The following CACNA1C variants were observed in gnomAD, a reference collection of about 807,000 sequenced individuals.
The protein encoded by CACNA1C is calcium voltage-gated channel subunit alpha1 C, also known as voltage-dependent L-type calcium channel subunit alpha-1C.
Under a neutral mutation model 229.0 loss-of-function variants are expected in CACNA1C, and 30 were observed. The ratio of observed to expected loss-of-function variants is 0.13; its 90% CI spans 0.10 to 0.18. The LOEUF (loss-of-function observed/expected upper bound fraction) is 0.18. Among genes scored for constraint, CACNA1C ranks in the 10% least tolerant of loss-of-function variants. The pLI, the probability that CACNA1C is intolerant of heterozygous loss-of-function variation, is 1.00. For missense variants in CACNA1C, 1,658 were observed against 2,845.0 expected, an observed-to-expected ratio of 0.58 and a Z score of 9.49; for synonymous variants, 1,114 against 1,132.5, an observed-to-expected ratio of 0.98 and a Z score of 0.33.
chr12:2,193,982 T>C (rs2097320236), intron 3 of CACNA1C, among the ~76,000 whole-genome samples: 1 of 152,128 alleles, frequency 6.6e-6, no homozygotes, highest in African/African-American at 2.4e-5. Context: ...GCCACTCCCA[T>C]GTGAACCTCA....
chr12:2,068,575 G>C (rs2060201783), intron 1 of CACNA1C, among the ~76,000 whole-genome samples: 1 of 152,240 alleles, frequency 6.6e-6, no homozygotes, highest in African/African-American at 2.4e-5. Context: ...TGCAATACTA[G>C]CTCCTCATGG....
intron 12 of CACNA1C, 139 bp from the exon 13 acceptor site, chr12:2,567,425 CTTCTG>C (rs1266251077): frequency 3.3e-6 from 2 of 607,908 alleles, no homozygotes; most frequent in Non-Finnish European, 5.8e-6. Flanking sequence ...TTGGCCCCAA[CTTCTG>C]TTCTGGCCGA....
At chr12:2,049,399 A>G (rs1158458935), upstream of CACNA1C, 2 of 152,220 alleles carry the variant, frequency 1.3e-5, no homozygotes, top group Non-Finnish European at 2.9e-5. Context: ...TTTAACCAAC[A>G]TTTTTGTTGA....
chr12:2,667,456 A>G (rs1034129162), intron 37 of CACNA1C, among the ~76,000 whole-genome samples: 4 of 152,228 alleles, frequency 2.6e-5, no homozygotes, highest in Non-Finnish European at 5.9e-5. Flanking sequence ...ACGCAGATTG[A>G]GGGAACATAG....
At chr12:2,343,543 T>A (rs1014779272) in intron 3 of CACNA1C, among the ~76,000 whole-genome samples, 6 of 152,254 alleles carry the variant, frequency 3.9e-5, no homozygotes, top group Admixed American at 3.3e-4. Context: ...GAAAAAAAAA[T>A]TATTTGTTGT....
At chr12:2,610,914 G>A (rs577564117) in intron 28 of CACNA1C, among the ~76,000 whole-genome samples, 1 of 152,346 alleles carries the variant, frequency 6.6e-6, no homozygotes, top group African/African-American at 2.4e-5. Context: ...TGGAGAGAGG[G>A]GAGGAGATGG....
intron 9 of CACNA1C, among the ~76,000 whole-genome samples, chr12:2,544,934 A>G (rs1599548902): frequency 6.6e-6 from 1 of 152,204 alleles, no homozygotes; most frequent in Non-Finnish European, 1.5e-5. Context: ...GGTGCATCTC[A>G]TTGATTTGCT....
chr12:2,258,727 G>A (rs1035236507), intron 3 of CACNA1C, among the ~76,000 whole-genome samples: 4 of 152,046 alleles, frequency 2.6e-5, no homozygotes, highest in Admixed American at 6.6e-5. Flanking sequence ...CAGATAACTC[G>A]TATTTTAAGA....
intron 29 of CACNA1C, among the ~76,000 whole-genome samples, chr12:2,620,721 C>T (rs1043779083): frequency 4.6e-5 from 7 of 152,250 alleles, no homozygotes; most frequent in African/African-American, 1.7e-4. Context: ...ACTACACACT[C>T]ATCTGCATGT....
At chr12:2,559,673 A>C (rs1416168821) in intron 11 of CACNA1C, among the ~76,000 whole-genome samples, 1 of 152,236 alleles carries the variant, frequency 6.6e-6, no homozygotes, top group South Asian at 2.1e-4. Flanking sequence ...CCCAGGTCAC[A>C]GGGCTCTAGT....
At chr12:2,583,506 T>G (rs1421880452) in intron 15 of CACNA1C, among the ~76,000 whole-genome samples, 1 of 152,112 alleles carries the variant, frequency 6.6e-6, no homozygotes, top group African/African-American at 2.4e-5. Flanking sequence ...GGGTGCTGCT[T>G]CTCTTCCCCA....
At chr12:2,656,393 C>T (rs1483111323) in intron 34 of CACNA1C, among the ~76,000 whole-genome samples, 1 of 152,060 alleles carries the variant, frequency 6.6e-6, no homozygotes, top group East Asian at 1.9e-4. Flanking sequence ...ATGATCTAAA[C>T]TGAGAACTCA....
intron 29 of CACNA1C, among the ~76,000 whole-genome samples, chr12:2,623,997 G>A (rs915847416): frequency 9.2e-5 from 14 of 152,190 alleles, no homozygotes; most frequent in Admixed American, 7.9e-4. Context: ...GGAAATTCTG[G>A]CTCAAGTGTG....
intron 3 of CACNA1C, among the ~76,000 whole-genome samples, chr12:2,436,622 G>T (rs1456443099): frequency 6.6e-6 from 1 of 152,202 alleles, no homozygotes; most frequent in East Asian, 1.9e-4. Flanking sequence ...TCCAGTGTCT[G>T]CACGCTACTG....
At chr12:2,454,208 C>T (rs1052875256) in intron 4 of CACNA1C, among the ~76,000 whole-genome samples, 3 of 152,216 alleles carry the variant, frequency 2.0e-5, no homozygotes, top group Non-Finnish European at 4.4e-5. Context: ...CTACTTCACT[C>T]CGACACTCAC....
At chr12:2,480,977 A>G (rs889419093) in intron 5 of CACNA1C, among the ~76,000 whole-genome samples, 1 of 152,204 alleles carries the variant, frequency 6.6e-6, no homozygotes, top group Non-Finnish European at 1.5e-5. Flanking sequence ...GACTCAAAAT[A>G]TGAATTCAAA....
intron 9 of CACNA1C, among the ~76,000 whole-genome samples, chr12:2,513,662 G>A (rs968952649): frequency 2.0e-5 from 3 of 152,316 alleles, no homozygotes; most frequent in Non-Finnish European, 2.9e-5. Flanking sequence ...TCACAAATAC[G>A]TAAAAAATGA....
chr12:2,318,120 A>G (rs1167823649), intron 3 of CACNA1C, among the ~76,000 whole-genome samples: 1 of 151,568 alleles, frequency 6.6e-6, no homozygotes, highest in Non-Finnish European at 1.5e-5. Flanking sequence ...AGGGTTTGGA[A>G]TAGACAGAGT....
At chr12:2,336,032 A>G (rs1009452794) in intron 3 of CACNA1C, among the ~76,000 whole-genome samples, 1 of 151,842 alleles carries the variant, frequency 6.6e-6, no homozygotes, top group Non-Finnish European at 1.5e-5. Context: ...CAAAAAAAAA[A>G]AAAAAAAACA....
Sources: allele counts gnomAD v4.1 joint callset (sites outside exome capture counted in the v4.1 genomes callset), GRCh38; gene constraint gnomAD v4.1.1; transcripts MANE v1.5; gene names NCBI Gene and HGNC (gene_info 2026-07-23, HGNC 2026-07-21).